The following AKT3 variants were observed in gnomAD, a reference collection of about 807,000 sequenced individuals.
The protein encoded by AKT3 is AKT serine/threonine kinase 3.
A neutral mutation model predicts 65.3 loss-of-function variants in AKT3; 15 were observed. The observed-to-expected ratio is 0.23, with a 90% CI of 0.15 to 0.35. AKT3 has a LOEUF of 0.35. Among genes scored for constraint, AKT3 ranks in the 10% least tolerant of loss-of-function variants. The probability of loss-of-function intolerance (pLI) is 1.00; values close to 1 mark genes in which losing one functional copy is unlikely to be tolerated. For missense variants in AKT3, 243 were observed against 576.5 expected, an observed-to-expected ratio of 0.42 and a Z score of 5.92; for synonymous variants, 206 against 183.8, an observed-to-expected ratio of 1.12 and a Z score of -0.98.
chr1:243,698,157 T>C (rs1052185846), intron 2 of AKT3, among the ~76,000 whole-genome samples: 1 of 152,222 alleles, frequency 6.6e-6, no homozygotes, highest in South Asian at 2.1e-4. Flanking sequence ...CATTTATTCC[T>C]ATATAAAATT....
At chr1:243,703,133 T>A (rs1685571232) in intron 2 of AKT3, 1 of 152,224 alleles carries the variant, frequency 6.6e-6, no homozygotes, top group South Asian at 2.1e-4. Context: ...TAGTTGCCTG[T>A]TGACAGACAC....
At chr1:243,824,607 CTT>C (rs958209647) in intron 2 of AKT3, among the ~76,000 whole-genome samples, 7 of 151,912 alleles carry the variant, frequency 4.6e-5, no homozygotes, top group African/African-American at 1.7e-4. Context: ...TAAACAGACA[CTT>C]TTCAAAAGAA....
intron 9 of AKT3, among the ~76,000 whole-genome samples, chr1:243,571,445 CTAA>C (rs1420315423): frequency 4.6e-5 from 7 of 152,180 alleles, no homozygotes; most frequent in African/African-American, 1.7e-4. Context: ...AGTCTTTAGG[CTAA>C]TAATTCAATC....
intron 12 of AKT3, among the ~76,000 whole-genome samples, chr1:243,528,369 T>C (rs1325431127): frequency 6.6e-6 from 1 of 152,144 alleles, no homozygotes; most frequent in Non-Finnish European, 1.5e-5. Flanking sequence ...GTTTGTTATA[T>C]AGGAAAACTG....
At position 243,596,209 on chromosome 1, in the gene AKT3, CA is replaced by C. The variant is rs540336429; in HGVS notation, c.696+17461del. 3.3e-4 allele frequency among the ~76,000 whole-genome samples: 50 copies of C among 151,430 alleles called. 1 individual carries two copies. The highest frequency in any genetic ancestry group is 1.1e-3 in the African/African-American group (44 of 41,290). On this transcript the variant is annotated intron_variant, in intron 8 of 13. Coordinates refer to ENST00000673466, the MANE Select transcript of AKT3 (RefSeq NM_005465.7). Reference sequence around the variant, plus strand: ...ACACAAACATTTCTTGGACAGTACACAAAAAAAGTGAAAACCATAAAAGGCA... The same window carrying C: ...ACACAAACATTTCTTGGACAGTACACAAAAAAGTGAAAACCATAAAAGGCA...
intron 10 of AKT3, among the ~76,000 whole-genome samples, chr1:243,561,174 C>G (rs1035431994): frequency 6.6e-6 from 1 of 152,028 alleles, no homozygotes; most frequent in Non-Finnish European, 1.5e-5. Flanking sequence ...TTTACAATAA[C>G]TTAACATTGT....
intron 2 of AKT3, among the ~76,000 whole-genome samples, chr1:243,715,810 A>C (rs1010839506): frequency 6.6e-6 from 1 of 152,104 alleles, no homozygotes; most frequent in Admixed American, 6.5e-5. Context: ...TGGAGAAAAA[A>C]AAATTGTTTC....
intron 2 of AKT3, among the ~76,000 whole-genome samples, chr1:243,811,352 A>C (rs951255538): frequency 3.9e-5 from 6 of 152,218 alleles, no homozygotes; most frequent in African/African-American, 1.4e-4. Flanking sequence ...CCATGTGCCA[A>C]AATCACAAGC....
intron 12 of AKT3, among the ~76,000 whole-genome samples, chr1:243,537,380 G>C (rs1672007812): frequency 6.6e-6 from 1 of 151,984 alleles, no homozygotes; most frequent in African/African-American, 2.4e-5. Flanking sequence ...CTAGCCATTA[G>C]ACAATTCTAT....
chr1:243,845,019 C>T (rs1347902188), intron 1 of AKT3, among the ~76,000 whole-genome samples: 4 of 152,176 alleles, frequency 2.6e-5, no homozygotes, highest in Non-Finnish European at 4.4e-5. Flanking sequence ...ATGGACTACA[C>T]AAACATACTC....
chr1:243,582,447 C>CAAAAAAAAAAAAA, intron 8 of AKT3, among the ~76,000 whole-genome samples: 1 of 101,524 alleles, frequency 9.8e-6, no homozygotes, highest in Non-Finnish European at 2.1e-5. Flanking sequence ...TTAGCTTTCT[C>CAAAAAAAAAAAAA]AAAAAAAAAA....
intron 10 of AKT3, among the ~76,000 whole-genome samples, chr1:243,557,378 C>A (rs1668445592): frequency 6.6e-6 from 1 of 152,002 alleles, no homozygotes; most frequent in South Asian, 2.1e-4. Context: ...ACTAGAATCA[C>A]ACCGAAGTAC....
intron 12 of AKT3, among the ~76,000 whole-genome samples, chr1:243,530,907 T>C (rs1030971870): frequency 1.3e-5 from 2 of 152,020 alleles, no homozygotes; most frequent in Non-Finnish European, 2.9e-5. Flanking sequence ...GAATTGAAAA[T>C]AAAAAAAGAA....
intron 2 of AKT3, among the ~76,000 whole-genome samples, chr1:243,804,952 T>C (rs148073501): frequency 6.6e-5 from 10 of 152,320 alleles, no homozygotes; most frequent in Middle Eastern, 3.4e-3. Flanking sequence ...CATTGCCTGA[T>C]ATTTTGTTTG....
intron 6 of AKT3, among the ~76,000 whole-genome samples, chr1:243,626,655 G>A (rs1174123663): frequency 6.6e-6 from 1 of 152,082 alleles, no homozygotes; most frequent in Non-Finnish European, 1.5e-5. Context: ...AACCTTCCAG[G>A]GGTTCCTGAC....
chr1:243,743,495 G>GA lies in AKT3; in HGVS notation c.47-47780dup, dbSNP rs1055635305. ...GTTTGAAATACATAGTTTTATTAAG[G>GA]AAAAAAATATTTTCAAAGAATTTCA... On this transcript the variant is annotated intron_variant, in intron 2 of 13. Transcript: ENST00000673466. Among the ~76,000 whole-genome samples the GA allele has an allele frequency of 5.3e-5, 8 of 152,118 alleles. No individual in the cohort carries two copies. In the East Asian group the frequency reaches 1.4e-3, roughly 26 times the overall value.
chr1:243,495,378 G>A (rs377083185), downstream of AKT3, among the ~76,000 whole-genome samples: 28 of 152,322 alleles, frequency 1.8e-4, no homozygotes, highest in East Asian at 3.3e-3. Context: ...TTCCTTTCTC[G>A]GAGCCCAGAA....
intron 8 of AKT3, among the ~76,000 whole-genome samples, chr1:243,609,203 T>C (rs1437310042): frequency 1.3e-5 from 2 of 151,856 alleles, no homozygotes; most frequent in African/African-American, 4.8e-5. Flanking sequence ...GAAATAATCC[T>C]ACTATACTCC....
At chr1:243,673,409 T>C (rs537226416) in intron 3 of AKT3, among the ~76,000 whole-genome samples, 1 of 152,216 alleles carries the variant, frequency 6.6e-6, no homozygotes, top group South Asian at 2.1e-4. Flanking sequence ...ATATTATATG[T>C]TTTGGATATT....
Sources: gnomAD v4.1 joint callset for allele counts (sites outside exome capture counted in the v4.1 genomes callset) on GRCh38, gnomAD v4.1.1 for gene constraint, MANE v1.5 for transcripts, NCBI Gene and HGNC (gene_info 2026-07-23, HGNC 2026-07-21) for gene names.